RBM42: variants seen among roughly 807,000 people sequenced by gnomAD.
RBM42 encodes RNA-binding protein 42.
Under a neutral mutation model 41.4 loss-of-function variants are expected in RBM42, and 21 were observed. That is an observed-to-expected ratio of 0.51 (90% CI 0.36 to 0.73). The LOEUF is 0.73. RBM42 is among the 30% of genes least tolerant of loss of function. The probability of loss-of-function intolerance (pLI) is 0.00; values close to 1 mark genes in which losing one functional copy is unlikely to be tolerated. For synonymous variants in RBM42, 272 were observed against 271.2 expected, an observed-to-expected ratio of 1.00 and a Z score of -0.03; for missense variants, 539 against 680.4, an observed-to-expected ratio of 0.79 and a Z score of 2.31.
At position 35,634,032 on chromosome 19, in the gene RBM42, C is replaced by G. The variant is rs368870529; in HGVS notation, c.1017+13C>G. ...CATGGCTCTTGAGGTAAGCAGGGAG[C>G]CTAGCGGTGAAGGGACAGAAGGGAC... is the stretch of plus-strand genomic sequence containing the variant. On this transcript the variant is annotated intron_variant, in intron 7 of 9. Coordinates refer to ENST00000262633, the MANE Select transcript of RBM42 (RefSeq NM_024321.5). 6.7e-7 allele frequency: 1 copy of G among 1,485,286 alleles called. No individual in the cohort carries two copies. The highest frequency in any genetic ancestry group is 1.4e-5 in the African/African-American group (1 of 71,156). The allele number at this position is 1,485,286 out of a possible 1,614,324, so 92.0% of individuals were successfully genotyped here. A position where few individuals can be genotyped will look rare whatever the true frequency, so the allele number is the denominator to read the frequency against.
At chr19:35,634,139 T>C in intron 7 of RBM42, 117 bp from the exon 8 acceptor site, 1 of 1,538,778 alleles carries the variant, frequency 6.5e-7, no homozygotes, top group South Asian at 1.2e-5. Flanking sequence ...CGGACACATG[T>C]GCCCCACATC....
In RBM42 at chr19:35,629,424, G is replaced by A. The variant is rs1386517977; in HGVS notation, c.129-96G>A. On this transcript the variant is annotated intron_variant, in intron 1 of 9. Transcript: ENST00000262633. ...CGGGATTGTGGGGGCGGGGATAGGGGAGAGGTTGGCAGGGGTGAGGGTCCC... is the reference window on the plus strand; with the variant it reads ...CGGGATTGTGGGGGCGGGGATAGGGAAGAGGTTGGCAGGGGTGAGGGTCCC... 10 of 1,558,448 alleles carry A rather than the reference G, an allele frequency of 6.4e-6. No individual in the cohort carries two copies. The East Asian group carries it at 2.3e-4, about 35-fold the overall frequency.
chr19:35,633,299 A>G, intron 6 of RBM42, 47 bp downstream of exon 6: 1 of 1,445,156 alleles, frequency 6.9e-7, no homozygotes, highest in South Asian at 1.3e-5. Flanking sequence ...GTGGACGGGG[A>G]GACCATCCAT....
Position 35,637,364 on chromosome 19 carries a change from C to T in RBM42, c.1330+12C>T, listed in dbSNP as rs1226836336. 3.1e-6 allele frequency: 5 copies of T among 1,613,994 alleles called. No individual in the cohort carries two copies. Among genetic ancestry groups the T allele is most frequent in the Non-Finnish European group, 4.2e-6 (5 of 1,179,960 alleles). On this transcript the variant is annotated intron_variant, in intron 9 of 9. Coordinates refer to ENST00000262633, the MANE Select transcript of RBM42 (RefSeq NM_024321.5). This position sits in a 1 kb window ranked among gnomAD's most constrained non-coding sequence, Gnocchi z 7.0. ...GCGTGAGATGAATGGTGGGTGCGGC[C>T]TCCCCTGGGAACTGCAGGCGCGGCA...
chr19:35,630,002 G>T (rs150544641), intron 2 of RBM42, among the ~76,000 whole-genome samples: 20 of 152,318 alleles, frequency 1.3e-4, no homozygotes, highest in African/African-American at 4.3e-4. Context: ...TAGAGAAAGA[G>T]AGAGAAATTA....
chr19:35,632,940 G>A lies in RBM42; in HGVS notation c.447G>A (p.Val149=). ...REAMFLRRAA[V]APQRAPILRP... The stretch of plus-strand genomic sequence containing the variant: ...CCCCATCTCTCTCTCCCACAGCTGT[G>A]GCCCCCCAGAGGGCCCCTATCCTGC... The change falls in exon 5 of 10, where the codon GTG becomes GTA. Residue 149 remains valine (V), a synonymous_variant. Transcript: ENST00000262633. 5 of 1,534,108 alleles carry A rather than the reference G, an allele frequency of 3.3e-6. No homozygotes were observed. The highest frequency in any genetic ancestry group is 4.5e-6 in the Non-Finnish European group (5 of 1,110,850).
intron 1 of RBM42, 63 bp downstream of exon 1, chr19:35,629,344 C>G: frequency 1.3e-6 from 2 of 1,483,980 alleles, no homozygotes; most frequent in Non-Finnish European, 1.8e-6. Flanking sequence ...AATCTCGGAG[C>G]CTCCAGGCCT....
Position 35,637,567 on chromosome 19 carries a change from G to A in RBM42, c.*13G>A, listed in dbSNP as rs759745244. ...GGGCCTGAGATAGGGTCTGTGGCCA[G>A]GCACCCGCTCCCACCTGGCCGGGCG... On this transcript the variant is annotated 3_prime_UTR_variant, in exon 10 of 10. Coordinates refer to ENST00000262633, the MANE Select transcript of RBM42 (RefSeq NM_024321.5). This position sits in a 1 kb window ranked among gnomAD's most constrained non-coding sequence, Gnocchi z 7.0. 6.2e-7 allele frequency: 1 copy of A among 1,608,864 alleles called. No individual in the cohort carries two copies. Among genetic ancestry groups the A allele is most frequent in the African/African-American group, 1.3e-5 (1 of 74,924 alleles).
rs192321465 is a variant in RBM42 at position 35,635,288 on chromosome 19, C to G, written c.1135+915C>G. 1.9e-3 allele frequency among the ~76,000 whole-genome samples: 290 copies of G among 149,040 alleles called. 2 individuals are homozygous for G. The highest frequency in any genetic ancestry group is 6.9e-3 in the African/African-American group (280 of 40,438). ...CCGAGATCAGGCCACTGCACTCTAGCCTGGCAACAGAACAAGACTCCATCT... is the reference window on the plus strand; with the variant it reads ...CCGAGATCAGGCCACTGCACTCTAGGCTGGCAACAGAACAAGACTCCATCT... On this transcript the variant is annotated intron_variant, in intron 8 of 9. Coordinates refer to ENST00000262633, the MANE Select transcript of RBM42 (RefSeq NM_024321.5).
Position 35,634,247 on chromosome 19 carries a change from C to T in RBM42, c.1018-9C>T. The T allele has an allele frequency of 6.2e-7, 1 of 1,613,050 alleles. No individual in the cohort carries two copies. Among genetic ancestry groups the T allele is most frequent in the Non-Finnish European group, 8.5e-7 (1 of 1,179,070 alleles). ...CAACCCCTTTGCACCTCTCCCCTTT[C>T]CTCTGCAGGTCCCAGAGCCCCTGGG... is the stretch of plus-strand genomic sequence containing the variant. On this transcript the variant is annotated splice_polypyrimidine_tract_variant and intron_variant, in intron 7 of 9. Coordinates refer to ENST00000262633, the MANE Select transcript of RBM42 (RefSeq NM_024321.5).
intron 6 of RBM42, 31 bp from the exon 7 acceptor site, chr19:35,633,656 G>C (rs372923323): frequency 7.1e-7 from 1 of 1,400,286 alleles, no homozygotes; most frequent in African/African-American, 1.5e-5. Context: ...CCTGTGAGCC[G>C]GCCCCCCTCA....
At chr19:35,629,396 C>T in intron 1 of RBM42, 115 bp downstream of exon 1, 2 of 1,528,018 alleles carry the variant, frequency 1.3e-6, no homozygotes, top group Non-Finnish European at 8.8e-7. Flanking sequence ...GAAGTGGGAC[C>T]TTCGGGATTG....
chr19:35,632,341 G>A (rs1279614505), intron 4 of RBM42, among the ~76,000 whole-genome samples: 1 of 152,126 alleles, frequency 6.6e-6, no homozygotes. Flanking sequence ...AAGCTCTACT[G>A]GGGTGCCTGC....
Position 35,637,493 on chromosome 19 carries a change from A to T in RBM42, c.1382A>T (p.Asp461Val), listed in dbSNP as rs750045096. The T allele has an allele frequency of 6.2e-7, 1 of 1,614,208 alleles. No individual in the cohort carries two copies. The highest frequency in any genetic ancestry group is 2.2e-5 in the East Asian group (1 of 44,880). The change falls in exon 10 of 10, where the codon GAC (aspartate) becomes GTC (valine). Residue 461 changes from aspartate (D) to valine (V), a missense_variant. Physicochemically the swap from Asp to Val is radical, Grantham distance 152 (BLOSUM62 -3). This residue lies in a region of RBM42 where 110 missense variants were observed against 191.5 expected (regional missense o/e 0.57). Coordinates refer to ENST00000262633, the MANE Select transcript of RBM42 (RefSeq NM_024321.5). The surrounding 1 kb of genome is among the most constrained non-coding windows in gnomAD (Gnocchi z 7.0). Reference sequence around the variant, plus strand: ...AAGCTTCGCAAGAGCATGTGGAAGGACCGGAATCTGGACGTGGTCCGCAAG... The same window carrying T: ...AAGCTTCGCAAGAGCATGTGGAAGGTCCGGAATCTGGACGTGGTCCGCAAG... Reference protein sequence around the residue: ...PIKLRKSMWKDRNLDVVRKKQ... With the variant: ...PIKLRKSMWKVRNLDVVRKKQ...
intron 4 of RBM42, 45 bp downstream of exon 4, chr19:35,631,450 G>A: frequency 6.4e-7 from 1 of 1,568,020 alleles, no homozygotes; most frequent in Non-Finnish European, 8.8e-7. Flanking sequence ...AGGCACTCTT[G>A]TTTACATGAC....
chr19:35,637,415 C>G lies in RBM42; in HGVS notation c.1331-27C>G, dbSNP rs369376186. 2 of 1,613,114 alleles carry G rather than the reference C, an allele frequency of 1.2e-6. No individual in the cohort carries two copies. The highest frequency in any genetic ancestry group is 1.3e-5 in the African/African-American group (1 of 74,908). On this transcript the variant is annotated intron_variant, in intron 9 of 9. Coordinates refer to ENST00000262633, the MANE Select transcript of RBM42 (RefSeq NM_024321.5). This position sits in a 1 kb window ranked among gnomAD's most constrained non-coding sequence, Gnocchi z 7.0. ...GGCGCTGGCCTAAGCCTGACCCGAG[C>G]CTGCCTTGAACCCTCTGTCTCCACA...
chr19:35,634,430 T>A, intron 8 of RBM42, 57 bp downstream of exon 8: 1 of 1,289,592 alleles, frequency 7.8e-7, no homozygotes, highest in Non-Finnish European at 1.1e-6. Context: ...ACCAGGCTGC[T>A]GTCCTTGGGC....
rs1373786771 is a variant in RBM42 at position 35,637,218 on chromosome 19, G to A, written c.1196G>A (p.Arg399His). 6.2e-7 allele frequency: 1 copy of A among 1,614,148 alleles called. No homozygotes were observed. The highest frequency in any genetic ancestry group is 8.5e-7 in the Non-Finnish European group (1 of 1,180,022). Residue 399 changes from arginine (R) to histidine (H), a missense_variant, in exon 9 of 10, where the codon CGC (arginine) becomes CAC (histidine). Arg to His is a conservative substitution (Grantham distance 29). Around this residue, in one of 2 missense-constraint regions of RBM42, gnomAD observed 110 missense variants for 191.5 expected, o/e 0.57. Coordinates refer to ENST00000262633, the MANE Select transcript of RBM42 (RefSeq NM_024321.5). This position sits in a 1 kb window ranked among gnomAD's most constrained non-coding sequence, Gnocchi z 7.0. Reference protein sequence around the residue: ...GNEVNDDILARAFSRFPSFLK... With the variant: ...GNEVNDDILAHAFSRFPSFLK... ...GAGGTGAACGATGACATCTTGGCAC[G>A]CGCCTTCAGCCGCTTCCCATCCTTC...
chr19:35,631,734 C>T (rs761479242), intron 4 of RBM42: 3 of 376,334 alleles, frequency 8.0e-6, no homozygotes, highest in Non-Finnish European at 1.5e-5. Flanking sequence ...GGGCAGAAGT[C>T]TCAGTATCTG....
Sources: gnomAD v4.1 joint callset for allele counts (sites outside exome capture counted in the v4.1 genomes callset) on GRCh38, gnomAD v4.1.1 for gene constraint, gnomAD v4.1.1 regional missense constraint, Gnocchi (gnomAD v3.1) non-coding constraint, MANE v1.5 for transcripts, NCBI Gene and HGNC (gene_info 2026-07-23, HGNC 2026-07-21) for gene names.